Variants in EYS observed in about 807,000 individuals in gnomAD.
EYS encodes EGF-like photoreceptor maintenance factor, also known as protein eyes shut homolog.
EYS carries 250 observed loss-of-function variants against 282.1 expected under a neutral mutation model. The ratio of observed to expected loss-of-function variants is 0.89; its 90% CI spans 0.80 to 0.98. The LOEUF (loss-of-function observed/expected upper bound fraction) is 0.98, where lower values mean the gene tolerates loss of function less well. Among genes scored for constraint, EYS ranks in the 50% least tolerant of loss-of-function variants. EYS has a pLI of 0.00. For missense variants in EYS, 4,016 were observed against 3,709.0 expected (o/e 1.08, Z -2.15); for synonymous variants, 1,355 against 1,282.9 (o/e 1.06, Z -1.20).
At chr6:64,120,707 C>G (rs536059883) in intron 31 of EYS, among the ~76,000 whole-genome samples, 17 of 152,226 alleles carry the variant, frequency 1.1e-4, no homozygotes, top group Admixed American at 1.1e-3. Flanking sequence ...CTTATAGGAA[C>G]ATACTATTAT....
chr6:64,653,723 C>T (rs538834174), intron 22 of EYS, among the ~76,000 whole-genome samples: 3 of 134,222 alleles, frequency 2.2e-5, no homozygotes, highest in African/African-American at 8.9e-5. Context: ...TACCACCATG[C>T]CCAGCTATTT....
At chr6:64,426,503 C>T (rs1376523291) in intron 28 of EYS, among the ~76,000 whole-genome samples, 1 of 151,874 alleles carries the variant, frequency 6.6e-6, no homozygotes, top group Non-Finnish European at 1.5e-5. Flanking sequence ...TATAAGATCT[C>T]GAGAGGTGCT....
chr6:64,665,368 G>A (rs187523803), intron 22 of EYS, among the ~76,000 whole-genome samples: 80 of 152,178 alleles, frequency 5.3e-4, no homozygotes, highest in African/African-American at 1.9e-3. Context: ...ATCCAAAATT[G>A]GATTTCAAAC....
intron 8 of EYS, among the ~76,000 whole-genome samples, chr6:65,379,826 G>A (rs541047180): frequency 2.7e-4 from 41 of 151,790 alleles, no homozygotes; most frequent in African/African-American, 9.4e-4. Context: ...ACCATTAACA[G>A]ACAAGCAGAG....
At chr6:64,727,572 C>G (rs1771799143) in intron 22 of EYS, among the ~76,000 whole-genome samples, 1 of 151,946 alleles carries the variant, frequency 6.6e-6, no homozygotes, top group Non-Finnish European at 1.5e-5. Context: ...TAATTATTTT[C>G]CGGAAAAACA....
intron 30 of EYS, among the ~76,000 whole-genome samples, chr6:64,303,328 T>C (rs1016431810): frequency 2.0e-5 from 3 of 152,190 alleles, no homozygotes; most frequent in Non-Finnish European, 4.4e-5. Flanking sequence ...ATAATACTCA[T>C]GTTTGTCTTA....
intron 15 of EYS, among the ~76,000 whole-genome samples, chr6:64,930,589 T>A (rs1768687461): frequency 6.6e-6 from 1 of 152,126 alleles, no homozygotes; most frequent in Non-Finnish European, 1.5e-5. Flanking sequence ...ATGTCAGACT[T>A]TTTCAGTTAT....
At chr6:65,432,054 C>T (rs1013748642) in intron 5 of EYS, among the ~76,000 whole-genome samples, 1 of 152,038 alleles carries the variant, frequency 6.6e-6, no homozygotes, top group Non-Finnish European at 1.5e-5. Flanking sequence ...ATGGCATTCT[C>T]TAAACCCAGT....
Position 65,003,652 on chromosome 6 carries a change from C to T in EYS, c.2138-5949G>A, listed in dbSNP as rs186311079. On this transcript the variant is annotated intron_variant, in intron 13 of 42. Transcript: ENST00000503581. Reference sequence around the variant, plus strand: ...ACCTACCAACATGGGATGTCTCCCCCGGATGCCCAGCTTTAAAATTTCTCT... The same window carrying T: ...ACCTACCAACATGGGATGTCTCCCCTGGATGCCCAGCTTTAAAATTTCTCT... Among the ~76,000 whole-genome samples the T allele has an allele frequency of 2.9e-3, 423 of 147,284 alleles. 10 individuals carry two copies. Among genetic ancestry groups the T allele is most frequent in the African/African-American group, 9.1e-3 (375 of 41,216 alleles).
intron 26 of EYS, among the ~76,000 whole-genome samples, chr6:64,571,479 A>G (rs1765723952): frequency 6.6e-6 from 1 of 152,170 alleles, no homozygotes; most frequent in Non-Finnish European, 1.5e-5. Flanking sequence ...AAAATCAATG[A>G]ATCCAGGAGC....
chr6:64,992,386 C>T (rs1771093947), intron 14 of EYS, among the ~76,000 whole-genome samples: 1 of 151,660 alleles, frequency 6.6e-6, no homozygotes, highest in Admixed American at 6.6e-5. Context: ...TTTAAGTTCT[C>T]TAAGCTTACA....
At chr6:64,792,194 T>C (rs1205985042) in intron 22 of EYS, among the ~76,000 whole-genome samples, 2 of 151,888 alleles carry the variant, frequency 1.3e-5, no homozygotes, top group East Asian at 3.9e-4. Flanking sequence ...CTTTTAGATA[T>C]ACATATTAAC....
At chr6:65,160,893 A>G (rs575787320) in intron 12 of EYS, among the ~76,000 whole-genome samples, 2 of 138,562 alleles carry the variant, frequency 1.4e-5, no homozygotes, top group South Asian at 4.3e-4. Context: ...CCAATTTACT[A>G]TTTACTGACA....
intron 33 of EYS, among the ~76,000 whole-genome samples, chr6:64,056,132 C>A (rs779834422): frequency 6.6e-6 from 1 of 152,134 alleles, no homozygotes; most frequent in South Asian, 2.1e-4. Flanking sequence ...TGCCTCTGTT[C>A]GCTCCTGTTT....
At chr6:63,811,122 T>C (rs1771035547) in intron 36 of EYS, among the ~76,000 whole-genome samples, 1 of 152,032 alleles carries the variant, frequency 6.6e-6, no homozygotes, top group Non-Finnish European at 1.5e-5. Context: ...TGAAATATGC[T>C]AGAATGTCCC....
At chr6:65,511,614 A>T (rs76724630) in intron 2 of EYS, among the ~76,000 whole-genome samples, 4,516 of 152,186 alleles carry the variant, frequency 0.03, 231 homozygotes, top group African/African-American at 0.1. Context: ...AGGTAGGTAC[A>T]ATTTTATTCC....
chr6:64,216,623 G>A (rs1001357248), intron 31 of EYS, among the ~76,000 whole-genome samples: 9 of 152,100 alleles, frequency 5.9e-5, no homozygotes, highest in African/African-American at 1.4e-4. Flanking sequence ...AACAATCCCC[G>A]TCTTGGATTC....
intron 35 of EYS, among the ~76,000 whole-genome samples, chr6:63,930,779 G>A (rs540475470): frequency 1.2e-4 from 18 of 152,008 alleles, no homozygotes; most frequent in East Asian, 1.2e-3. Flanking sequence ...GAGTGTTCTC[G>A]GTCACCACAG....
intron 22 of EYS, among the ~76,000 whole-genome samples, chr6:64,720,465 G>A (rs2149942708): frequency 6.6e-6 from 1 of 152,216 alleles, no homozygotes; most frequent in South Asian, 2.1e-4. Flanking sequence ...TTTTGGGAGG[G>A]CCATCATTCT....
Sources: allele counts gnomAD v4.1 joint callset (sites outside exome capture counted in the v4.1 genomes callset), GRCh38; gene constraint gnomAD v4.1.1; transcripts MANE v1.5; gene names NCBI Gene and HGNC (gene_info 2026-07-23, HGNC 2026-07-21).